The following SLC44A5 variants were observed in gnomAD, a reference collection of about 807,000 sequenced individuals.
The protein encoded by SLC44A5 is choline transporter-like protein 5.
A neutral mutation model predicts 101.8 loss-of-function variants in SLC44A5; 57 were observed. The observed-to-expected ratio is 0.56, with a 90% CI of 0.45 to 0.70. The LOEUF (loss-of-function observed/expected upper bound fraction) is 0.70. Among genes scored for constraint, SLC44A5 ranks in the 30% least tolerant of loss-of-function variants. The pLI is 0.00. For synonymous variants in SLC44A5, 281 were observed against 290.9 expected, an observed-to-expected ratio of 0.97 and a Z score of 0.35; for missense variants, 737 against 853.1, an observed-to-expected ratio of 0.86 and a Z score of 1.70.
intron 3 of SLC44A5, among the ~76,000 whole-genome samples, chr1:75,383,638 T>C (rs1661073402): frequency 2.0e-5 from 3 of 152,056 alleles, no homozygotes; most frequent in Admixed American, 2.0e-4. Flanking sequence ...CTCTGCAGGA[T>C]ATTATCCAGG....
At chr1:75,714,145 A>C in the SLC44A5 span, among the ~76,000 whole-genome samples, 1 of 152,216 alleles carries the variant, frequency 6.6e-6, no homozygotes, top group Admixed American at 6.5e-5. Context: ...AAATGTTAGT[A>C]AACCAAATCC....
intron 18 of SLC44A5, among the ~76,000 whole-genome samples, chr1:75,216,142 C>T (rs995749496): frequency 2.6e-5 from 4 of 151,956 alleles, no homozygotes; most frequent in Non-Finnish European, 5.9e-5. Context: ...TCCCCCAGCT[C>T]TTAGTAAACT....
chr1:75,470,114 A>T (rs1667026180), intron 2 of SLC44A5, among the ~76,000 whole-genome samples: 1 of 152,150 alleles, frequency 6.6e-6, no homozygotes, highest in Admixed American at 6.6e-5. Flanking sequence ...AAGAGCAACT[A>T]AGGAATAACC....
chr1:75,659,667 G>A, the SLC44A5 span, among the ~76,000 whole-genome samples: 1 of 146,430 alleles, frequency 6.8e-6, no homozygotes, highest in African/African-American at 2.5e-5. Flanking sequence ...GAGCCTGGTA[G>A]CACGTACCTG....
At chr1:75,619,161 G>A in the SLC44A5 span, among the ~76,000 whole-genome samples, 1 of 150,192 alleles carries the variant, frequency 6.7e-6, no homozygotes, top group Non-Finnish European at 1.5e-5. Context: ...AGTGAGACAG[G>A]GAGTGAGACA....
intron 2 of SLC44A5, among the ~76,000 whole-genome samples, chr1:75,493,369 A>G (rs1398525183): frequency 6.6e-6 from 1 of 152,236 alleles, no homozygotes; most frequent in African/African-American, 2.4e-5. Context: ...ACAAATGTAC[A>G]ATTATATACC....
At chr1:75,611,529 C>T (rs188478866), upstream of SLC44A5, among the ~76,000 whole-genome samples, 4 of 152,270 alleles carry the variant, frequency 2.6e-5, no homozygotes, top group Non-Finnish European at 4.4e-5. Flanking sequence ...CTACCTCCAA[C>T]AAACAGCAGT....
At chr1:75,565,408 T>C (rs746807685) in intron 1 of SLC44A5, among the ~76,000 whole-genome samples, 4 of 152,188 alleles carry the variant, frequency 2.6e-5, no homozygotes, top group Non-Finnish European at 5.9e-5. Flanking sequence ...AAACTGCCAC[T>C]AATGCACAAA....
chr1:75,613,038 T>C (rs1675723664), upstream of SLC44A5, among the ~76,000 whole-genome samples: 1 of 152,194 alleles, frequency 6.6e-6, no homozygotes, highest in Non-Finnish European at 1.5e-5. Context: ...TATTCTTCTA[T>C]CAATGTTAAG....
intron 2 of SLC44A5, among the ~76,000 whole-genome samples, chr1:75,457,420 C>A (rs962607294): frequency 6.6e-6 from 1 of 152,150 alleles, no homozygotes; most frequent in Non-Finnish European, 1.5e-5. Flanking sequence ...AAAAGGAAGA[C>A]ATGCTTAAGT....
chr1:75,641,273 A>G, the SLC44A5 span: 1 of 583,580 alleles, frequency 1.7e-6, no homozygotes, highest in East Asian at 2.9e-5. Flanking sequence ...ATTTAAGAAC[A>G]CTTTTGTTAA....
intron 2 of SLC44A5, among the ~76,000 whole-genome samples, chr1:75,465,777 T>C (rs2101710971): frequency 6.6e-6 from 1 of 152,122 alleles, no homozygotes; most frequent in East Asian, 1.9e-4. Context: ...TTAAAAAATC[T>C]AGAAGAAATG....
chr1:75,670,348 T>G, the SLC44A5 span, among the ~76,000 whole-genome samples: 2 of 152,020 alleles, frequency 1.3e-5, no homozygotes, highest in African/African-American at 4.8e-5. Flanking sequence ...ATGATGACTT[T>G]TAAAGCTCAA....
chr1:75,680,650 G>A, the SLC44A5 span, among the ~76,000 whole-genome samples: 2 of 150,396 alleles, frequency 1.3e-5, no homozygotes, highest in South Asian at 4.2e-4. Context: ...ATGCCCACAA[G>A]AGAAAGCAGG....
intron 2 of SLC44A5, among the ~76,000 whole-genome samples, chr1:75,454,233 G>A (rs1173305374): frequency 6.6e-6 from 1 of 152,040 alleles, no homozygotes; most frequent in East Asian, 1.9e-4. Flanking sequence ...TGGTATACAA[G>A]TTGGTTCAAC....
intron 2 of SLC44A5, among the ~76,000 whole-genome samples, chr1:75,425,880 G>A (rs1440474555): frequency 6.6e-6 from 1 of 152,126 alleles, no homozygotes; most frequent in African/African-American, 2.4e-5. Context: ...AAACAATCCA[G>A]CCCTCCCTTC....
In SLC44A5 at chr1:75,232,262, C is replaced by G. The variant is rs770939648; in HGVS notation, c.853+1724G>C. Reference sequence around the variant, plus strand: ...TTTTGCCATTGTCAAAACTGCACTACAGCCAATCTCAGATTTTTCTTGCTA... The same window carrying G: ...TTTTGCCATTGTCAAAACTGCACTAGAGCCAATCTCAGATTTTTCTTGCTA... On this transcript the variant is annotated intron_variant, in intron 12 of 23. Coordinates refer to ENST00000370859, the MANE Select transcript of SLC44A5 (RefSeq NM_001130058.2). Among the ~76,000 whole-genome samples, 306 of 152,246 alleles carry G rather than the reference C, an allele frequency of 2.0e-3. 2 individuals are homozygous for G. The highest frequency in any genetic ancestry group is 4.1e-3 in the Non-Finnish European group (277 of 68,014).
the SLC44A5 span, among the ~76,000 whole-genome samples, chr1:75,679,565 G>C: frequency 0.044 from 6,641 of 151,644 alleles, 191 homozygotes; most frequent in African/African-American, 0.091. Flanking sequence ...CAAATGCTGA[G>C]AGATTTTGTC....
At chr1:75,626,229 C>T in the SLC44A5 span, among the ~76,000 whole-genome samples, 30 of 152,202 alleles carry the variant, frequency 2.0e-4, no homozygotes, top group East Asian at 5.0e-3. Context: ...TGATCAGATT[C>T]ATCTAGATGT....
Sources: allele counts gnomAD v4.1 joint callset (sites outside exome capture counted in the v4.1 genomes callset), GRCh38; gene constraint gnomAD v4.1.1; transcripts MANE v1.5; gene names NCBI Gene and HGNC (gene_info 2026-07-23, HGNC 2026-07-21).